The following ROBO2 variants were observed in gnomAD, a reference collection of about 807,000 sequenced individuals.
ROBO2 encodes the protein roundabout guidance receptor 2.
Under a neutral mutation model 160.8 loss-of-function variants are expected in ROBO2, and 53 were observed. That is an observed-to-expected ratio of 0.33 (90% CI 0.26 to 0.41). The LOEUF is 0.41. Ranked by LOEUF, ROBO2 falls within the 10% of genes least tolerant of loss-of-function variation. The pLI, the probability that ROBO2 is intolerant of heterozygous loss-of-function variation, is 1.00. For synonymous variants in ROBO2, 664 were observed against 611.7 expected, an observed-to-expected ratio of 1.09 and a Z score of -1.26; for missense variants, 1,577 against 1,722.4, an observed-to-expected ratio of 0.92 and a Z score of 1.49.
intron 2 of ROBO2, among the ~76,000 whole-genome samples, chr3:76,449,749 G>T (rs1050784671): frequency 6.6e-6 from 1 of 152,078 alleles, no homozygotes; most frequent in African/African-American, 2.4e-5. Context: ...ACCAAATAGG[G>T]CATTTACATT....
chr3:76,440,507 GA>G (rs1171088011), intron 2 of ROBO2, among the ~76,000 whole-genome samples: 2 of 152,094 alleles, frequency 1.3e-5, no homozygotes, highest in South Asian at 4.1e-4. Flanking sequence ...TAGAGAAGTA[GA>G]AAAAGGAAGA....
intron 2 of ROBO2, among the ~76,000 whole-genome samples, chr3:76,519,311 G>C (rs147448611): frequency 1.5e-3 from 226 of 152,302 alleles, no homozygotes; most frequent in African/African-American, 4.9e-3. Context: ...GAGCAGAGTT[G>C]AGTAGTTGTA....
chr3:77,526,886 A>C (rs994284344), intron 6 of ROBO2, among the ~76,000 whole-genome samples: 1 of 151,456 alleles, frequency 6.6e-6, no homozygotes, highest in Non-Finnish European at 1.5e-5. Flanking sequence ...CACCCTGTCC[A>C]TGGATGAAAA....
chr3:77,399,592 C>G (rs191304823), intron 2 of ROBO2, among the ~76,000 whole-genome samples: 6 of 151,952 alleles, frequency 3.9e-5, no homozygotes, highest in African/African-American at 1.5e-4. Context: ...CCTTAATGAC[C>G]ATAACATGTG....
intron 2 of ROBO2, among the ~76,000 whole-genome samples, chr3:76,985,890 G>A (rs992282561): frequency 9.9e-5 from 15 of 152,050 alleles, no homozygotes; most frequent in African/African-American, 2.9e-4. Context: ...AACTCCATGT[G>A]GTCATTAATT....
At chr3:77,000,750 A>C (rs1047051900) in intron 2 of ROBO2, among the ~76,000 whole-genome samples, 3 of 152,202 alleles carry the variant, frequency 2.0e-5, no homozygotes, top group African/African-American at 7.2e-5. Flanking sequence ...TTTTGAATAT[A>C]AGAAAGTGGA....
At position 76,624,796 on chromosome 3, in the gene ROBO2, C is replaced by CAAAAAAAAAAAAAAAA. The variant is rs57920315; in HGVS notation, c.110-473195_110-473180dup. On this transcript the variant is annotated intron_variant, in intron 2 of 26. Coordinates refer to the ROBO2 transcript ENST00000487694. ...TGAGTGACAGAGTGAGACTCCGTCT[C>CAAAAAAAAAAAAAAAA]AAAAAAAAAAAAAAAAAAAAAAAAA... is the stretch of plus-strand genomic sequence containing the variant. Among the ~76,000 whole-genome samples, 20 of 46,326 alleles carry CAAAAAAAAAAAAAAAA rather than the reference C, an allele frequency of 4.3e-4. 1 individual carries two copies. Among genetic ancestry groups the CAAAAAAAAAAAAAAAA allele is most frequent in the African/African-American group, 1.5e-3 (15 of 9,712 alleles). The allele number at this position is 46,326 out of a possible 152,430, so 30.4% of individuals were successfully genotyped here. A position where few individuals can be genotyped will look rare whatever the true frequency, so the allele number is the denominator to read the frequency against.
intron 2 of ROBO2, among the ~76,000 whole-genome samples, chr3:76,602,287 A>G (rs1018950193): frequency 6.6e-6 from 1 of 151,938 alleles, no homozygotes; most frequent in Non-Finnish European, 1.5e-5. Context: ...AAGCCCTCCA[A>G]ACTGTTCCAA....
chr3:77,633,097 T>C (rs563464869), intron 23 of ROBO2: 1 of 155,086 alleles, frequency 6.4e-6, no homozygotes, highest in Admixed American at 6.3e-5. Flanking sequence ...TTCCTTAGCA[T>C]GGGGTGAATG....
intron 2 of ROBO2, among the ~76,000 whole-genome samples, chr3:76,141,116 GCTCTCTCTCTCTCTCT>G (rs55829903): frequency 9.0e-4 from 15 of 16,684 alleles, no homozygotes; most frequent in African/African-American, 1.2e-3. Flanking sequence ...GAGCTACCAT[GCTCTCTCTCTCTCTCT>G]CTCTCTCTCT....
At position 77,124,515 on chromosome 3, in the gene ROBO2, T is replaced by C. The variant is rs574964539; in HGVS notation, c.388+26175T>C. Among the ~76,000 whole-genome samples, 14 of 152,258 alleles carry C rather than the reference T, an allele frequency of 9.2e-5. No individual in the cohort carries two copies. In the South Asian group the frequency reaches 2.7e-3, roughly 29 times the overall value. ...ACCATCCAGGAGTCAGTAGTATGTATATATTCAGGAACCTTTGAAAATGGA... is the reference window on the plus strand; with the variant it reads ...ACCATCCAGGAGTCAGTAGTATGTACATATTCAGGAACCTTTGAAAATGGA... On this transcript the variant is annotated intron_variant, in intron 2 of 25. Transcript: ENST00000461745.
intron 2 of ROBO2, among the ~76,000 whole-genome samples, chr3:77,268,754 C>T (rs982050326): frequency 2.0e-5 from 3 of 152,152 alleles, no homozygotes. Flanking sequence ...TATTGCTAAA[C>T]TAAAGTTGAA....
At chr3:77,432,376 C>G (rs1322202889) in intron 2 of ROBO2, among the ~76,000 whole-genome samples, 1 of 152,034 alleles carries the variant, frequency 6.6e-6, no homozygotes, top group Non-Finnish European at 1.5e-5. Context: ...AACTATTGTT[C>G]GCAATGGGGC....
intron 2 of ROBO2, among the ~76,000 whole-genome samples, chr3:76,071,721 A>T (rs887212816): frequency 6.6e-6 from 1 of 152,068 alleles, no homozygotes; most frequent in African/African-American, 2.4e-5. Context: ...AGAGAATTGG[A>T]AAACACCAGT....
chr3:77,568,916 T>A (rs1299877620), intron 13 of ROBO2, among the ~76,000 whole-genome samples: 1 of 152,042 alleles, frequency 6.6e-6, no homozygotes, highest in African/African-American at 2.4e-5. Context: ...ATATGTGGTC[T>A]TTTGTGTCTA....
chr3:76,414,518 A>G (rs1468737515), intron 2 of ROBO2, among the ~76,000 whole-genome samples: 1 of 150,724 alleles, frequency 6.6e-6, no homozygotes, highest in African/African-American at 2.4e-5. Context: ...TCGCAAGAAG[A>G]AAAAACCAAA....
At chr3:77,468,626 G>A (rs568337159) in intron 2 of ROBO2, among the ~76,000 whole-genome samples, 4 of 152,196 alleles carry the variant, frequency 2.6e-5, no homozygotes, top group Admixed American at 1.3e-4. Context: ...TAAGAAACTC[G>A]AAGCTGGCCA....
intron 2 of ROBO2, among the ~76,000 whole-genome samples, chr3:76,112,891 A>G (rs1449217795): frequency 1.3e-5 from 2 of 152,114 alleles, no homozygotes; most frequent in Non-Finnish European, 2.9e-5. Flanking sequence ...AAATTCTAAA[A>G]TGTAAATCAA....
chr3:76,613,382 ATAC>A (rs1474937393), intron 2 of ROBO2, among the ~76,000 whole-genome samples: 1 of 152,110 alleles, frequency 6.6e-6, no homozygotes, highest in Non-Finnish European at 1.5e-5. Flanking sequence ...ATTTAGCTAA[ATAC>A]TACTAATTCT....
Sources: allele counts gnomAD v4.1 joint callset (sites outside exome capture counted in the v4.1 genomes callset), GRCh38; gene constraint gnomAD v4.1.1; transcripts MANE v1.5; gene names NCBI Gene and HGNC (gene_info 2026-07-23, HGNC 2026-07-21).